The following DMTF1 variants were observed in gnomAD, a reference collection of about 807,000 sequenced individuals.
DMTF1 encodes the protein cyclin D binding myb like transcription factor 1, also known as cyclin-D-binding Myb-like transcription factor 1.
Under a neutral mutation model 91.1 loss-of-function variants are expected in DMTF1, and 39 were observed. The ratio of observed to expected loss-of-function variants is 0.43; its 90% CI spans 0.33 to 0.56. The LOEUF (loss-of-function observed/expected upper bound fraction) is 0.56, where lower values mean the gene tolerates loss of function less well. DMTF1 is among the 20% of genes least tolerant of loss of function. The pLI is 0.05. For missense variants in DMTF1, 750 were observed against 914.5 expected, an observed-to-expected ratio of 0.82 and a Z score of 2.32; for synonymous variants, 338 against 309.5, an observed-to-expected ratio of 1.09 and a Z score of -0.97.
intron 1 of DMTF1, among the ~76,000 whole-genome samples, chr7:87,153,160 G>T (rs115370781): frequency 0.015 from 2,337 of 152,064 alleles, 45 homozygotes; most frequent in African/African-American, 0.049. Flanking sequence ...CGGGGGTTCA[G>T]CCTTGCTCGG....
At chr7:87,154,407 A>G (rs1790139410) in intron 1 of DMTF1, 1 of 152,606 alleles carries the variant, frequency 6.6e-6, no homozygotes, top group African/African-American at 2.4e-5. Flanking sequence ...GCTCACCCCA[A>G]AATATGCTTT....
At chr7:87,193,457 C>A in intron 15 of DMTF1, 104 bp downstream of exon 15, 1 of 1,201,860 alleles carries the variant, frequency 8.3e-7, no homozygotes, top group Non-Finnish European at 1.2e-6. Flanking sequence ...CTTCCTACTG[C>A]TGCTGTTCCA....
chr7:87,179,792 C>G, intron 8 of DMTF1, 90 bp downstream of exon 8: 1 of 1,217,794 alleles, frequency 8.2e-7, no homozygotes, highest in Admixed American at 2.7e-5. Context: ...GAAATATGGT[C>G]AAGGTATTAA....
Position 87,195,188 on chromosome 7 carries a change from A to G in DMTF1, c.*48A>G. On this transcript the variant is annotated 3_prime_UTR_variant, in exon 18 of 18. Transcript: ENST00000331242. ...TTCAAGCAAAGAAGGCACACTGTTAATTACAACCTCTTCAAAGAAATAGGA... is the reference window on the plus strand; with the variant it reads ...TTCAAGCAAAGAAGGCACACTGTTAGTTACAACCTCTTCAAAGAAATAGGA... The G allele has an allele frequency of 7.5e-7, 1 of 1,326,530 alleles. No individual in the cohort carries two copies. The highest frequency in any genetic ancestry group is 1.1e-6 in the Non-Finnish European group (1 of 928,118). 82.2% of individuals were successfully genotyped at this position (1,326,530 alleles called of 1,614,324 possible).
chr7:87,193,035 C>G, intron 14 of DMTF1, 163 bp from the exon 15 acceptor site: 2 of 656,008 alleles, frequency 3.0e-6, no homozygotes, highest in Non-Finnish European at 5.2e-6. Flanking sequence ...CTTAAACCTT[C>G]AGGCTAGGTA....
At chr7:87,193,613 G>C in intron 15 of DMTF1, 112 bp from the exon 16 acceptor site, 1 of 1,084,248 alleles carries the variant, frequency 9.2e-7, no homozygotes, top group Non-Finnish European at 1.3e-6. Flanking sequence ...TAGAAAAATA[G>C]TGATAAAAGT....
At chr7:87,168,389 A>G (rs1794301576) in intron 4 of DMTF1, among the ~76,000 whole-genome samples, 1 of 152,096 alleles carries the variant, frequency 6.6e-6, no homozygotes, top group Non-Finnish European at 1.5e-5. Flanking sequence ...ACTAGAGTCC[A>G]TTTGTGATCT....
intron 11 of DMTF1, 72 bp from the exon 12 acceptor site, chr7:87,185,757 C>T: frequency 6.5e-7 from 1 of 1,535,966 alleles, no homozygotes; most frequent in Non-Finnish European, 9.0e-7. Flanking sequence ...AGTGCAATTA[C>T]CTGTAGTCAG....
chr7:87,182,087 T>C, intron 9 of DMTF1, 141 bp from the exon 10 acceptor site: 1 of 1,541,518 alleles, frequency 6.5e-7, no homozygotes, highest in South Asian at 1.2e-5. Context: ...AGGCCACACT[T>C]TCAAACTTTG....
At chr7:87,164,908 C>T (rs1355664960) in intron 2 of DMTF1, 26 bp from the exon 3 acceptor site, 2 of 1,411,782 alleles carry the variant, frequency 1.4e-6, no homozygotes, top group Non-Finnish European at 9.7e-7. Flanking sequence ...TTTTGAAATC[C>T]TGATCTGGAA....
At chr7:87,185,678 T>C in intron 11 of DMTF1, 151 bp from the exon 12 acceptor site, 1 of 844,044 alleles carries the variant, frequency 1.2e-6, no homozygotes, top group Non-Finnish European at 1.8e-6. Context: ...TCTGCACTCC[T>C]GGAATCCTTT....
rs978009293 is a variant in DMTF1, at chr7:87,152,459, G to C, written c.-228G>C. On this transcript the variant is annotated 5_prime_UTR_variant, in exon 1 of 18. Transcript: ENST00000331242. ...TGGCTCGTCGCGCTCGCTCACTCCAGCTGCAGCCACTCTCGCCCGTGGCTG... is the reference window on the plus strand; with the variant it reads ...TGGCTCGTCGCGCTCGCTCACTCCACCTGCAGCCACTCTCGCCCGTGGCTG... 1 of 153,886 alleles carries C rather than the reference G, an allele frequency of 6.5e-6. No individual in the cohort carries two copies. Among genetic ancestry groups the C allele is most frequent in the Non-Finnish European group, 1.5e-5 (1 of 68,200 alleles). The allele number at this position is 153,886 out of a possible 1,614,324, so 9.5% of individuals were successfully genotyped here. A position where few individuals can be genotyped will look rare whatever the true frequency, so the allele number is the denominator to read the frequency against.
At chr7:87,158,119 G>A (rs567408708) in intron 1 of DMTF1, among the ~76,000 whole-genome samples, 1 of 152,070 alleles carries the variant, frequency 6.6e-6, no homozygotes, top group Admixed American at 6.5e-5. Flanking sequence ...TTGAAGTTTG[G>A]CAGAAGGTGT....
chr7:87,185,758 C>T, intron 11 of DMTF1, 71 bp from the exon 12 acceptor site: 1 of 1,539,594 alleles, frequency 6.5e-7, no homozygotes. Context: ...GTGCAATTAC[C>T]TGTAGTCAGA....
chr7:87,159,397 C>CTG (rs1791633892), intron 1 of DMTF1, among the ~76,000 whole-genome samples: 1 of 49,782 alleles, frequency 2.0e-5, no homozygotes, highest in African/African-American at 6.1e-5. Context: ...GTTCATAAAG[C>CTG]TGTACACCAA....
intron 5 of DMTF1, among the ~76,000 whole-genome samples, chr7:87,171,313 C>T (rs1319081588): frequency 6.6e-6 from 1 of 152,164 alleles, no homozygotes; most frequent in Non-Finnish European, 1.5e-5. Flanking sequence ...GGTTTGTTAT[C>T]ACCATTTTAG....
At chr7:87,159,165 A>G (rs536887535) in intron 1 of DMTF1, among the ~76,000 whole-genome samples, 37 of 152,306 alleles carry the variant, frequency 2.4e-4, no homozygotes, top group African/African-American at 7.5e-4. Context: ...AGTAAGGCAT[A>G]TAACTACATT....
intron 7 of DMTF1, 85 bp downstream of exon 7, chr7:87,174,754 T>C (rs1461941669): frequency 6.2e-6 from 5 of 812,518 alleles, no homozygotes; most frequent in South Asian, 2.0e-5. Flanking sequence ...TGTGCACTTA[T>C]TAGGAGCTTT....
chr7:87,179,471 A>G, intron 7 of DMTF1, 74 bp from the exon 8 acceptor site: 2 of 1,286,726 alleles, frequency 1.6e-6, no homozygotes, highest in African/African-American at 1.5e-5. Context: ...ACATTAAAAC[A>G]AATTTTAAAA....
Sources: allele counts gnomAD v4.1 joint callset (sites outside exome capture counted in the v4.1 genomes callset), GRCh38; gene constraint gnomAD v4.1.1; transcripts MANE v1.5; gene names NCBI Gene and HGNC (gene_info 2026-07-23, HGNC 2026-07-21).